The following LGALS2 variants were observed in gnomAD, a reference collection of about 807,000 sequenced individuals.
LGALS2 encodes galectin 2, also known as galectin-2.
LGALS2 carries 7 observed loss-of-function variants against 10.1 expected under a neutral mutation model. The observed-to-expected ratio is 0.70, with a 90% CI of 0.40 to 1.31. The LOEUF (loss-of-function observed/expected upper bound fraction) is 1.31. Ranked by LOEUF, LGALS2 falls within the 50% of genes most tolerant of loss-of-function variation. The pLI is 0.01. For missense variants in LGALS2, 167 were observed against 163.6 expected (o/e 1.02, Z -0.11); for synonymous variants, 86 against 64.2 (o/e 1.34, Z -1.63).
chr22:37,574,694 A>G (rs1249716382), intron 1 of LGALS2, among the ~76,000 whole-genome samples: 5 of 151,876 alleles, frequency 3.3e-5, no homozygotes, highest in Admixed American at 1.3e-4. Flanking sequence ...AGATGCCCTG[A>G]ATGAGCTCAT....
intron 2 of LGALS2, among the ~76,000 whole-genome samples, chr22:37,571,151 G>A (rs923919860): frequency 6.6e-6 from 1 of 152,172 alleles, no homozygotes; most frequent in Non-Finnish European, 1.5e-5. Flanking sequence ...GACCTGCAGG[G>A]TTCCTGAAAG....
At chr22:37,571,962 T>G in intron 1 of LGALS2, 31 bp from the exon 2 acceptor site, 23 of 1,549,350 alleles carry the variant, frequency 1.5e-5, no homozygotes, top group Non-Finnish European at 1.8e-5. Flanking sequence ...TCCACTCGAG[T>G]CCCCACAGAA....
At position 37,579,927 on chromosome 22, in the gene LGALS2, C is replaced by T. The variant is rs773350386; in HGVS notation, c.-22G>A. 5.0e-6 allele frequency: 8 copies of T among 1,611,266 alleles called. No homozygotes were observed. The highest frequency in any genetic ancestry group is 6.8e-6 in the Non-Finnish European group (8 of 1,179,250). ...TCATGGTGACAGCTCCTGGCGGCAG[C>T]TCCCAGCGGCTCCTGGAGGCCTGTG... On this transcript the variant is annotated 5_prime_UTR_variant, in exon 1 of 4. Transcript: ENST00000215886.
intron 1 of LGALS2, chr22:37,578,624 T>TGAGC (rs1399838338): frequency 1.3e-5 from 2 of 152,114 alleles, no homozygotes; most frequent in Non-Finnish European, 2.9e-5. Flanking sequence ...GATATCAGCC[T>TGAGC]GAGCAACATA....
At chr22:37,571,724 G>A in intron 2 of LGALS2, 125 bp downstream of exon 2, 1 of 733,314 alleles carries the variant, frequency 1.4e-6, no homozygotes, top group South Asian at 1.6e-5. Context: ...GGAGAAGGGT[G>A]TGAAAAAGGG....
At position 37,572,061 on chromosome 22, in the gene LGALS2, G is replaced by C. The variant is rs1233524148; in HGVS notation, c.7-130C>G. The C allele has an allele frequency of 4.1e-6, 3 of 725,354 alleles. No individual in the cohort carries two copies. In the African/African-American group the frequency reaches 5.2e-5, roughly 13 times the overall value. The allele number at this position is 725,354 out of a possible 1,614,324, so 44.9% of individuals were successfully genotyped here. The stretch of plus-strand genomic sequence containing the variant: ...TCCCCCTGCCCACGTGAGGACGCAG[G>C]AGACCACCAAGCTGGAAAGTGGCAG... On this transcript the variant is annotated intron_variant, in intron 1 of 3. Coordinates refer to ENST00000215886, the MANE Select transcript of LGALS2 (RefSeq NM_006498.3).
chr22:37,575,868 C>T (rs1271541144), intron 1 of LGALS2, among the ~76,000 whole-genome samples: 1 of 152,202 alleles, frequency 6.6e-6, no homozygotes, highest in Non-Finnish European at 1.5e-5. Context: ...AGCTTCTCAG[C>T]CTTGGCCGTC....
intron 2 of LGALS2, among the ~76,000 whole-genome samples, chr22:37,571,244 C>T (rs79275547): frequency 0.013 from 2,004 of 152,210 alleles, 38 homozygotes; most frequent in African/African-American, 0.046. Context: ...TTGAGGGACC[C>T]AAGTAGGAGA....
intron 1 of LGALS2, among the ~76,000 whole-genome samples, chr22:37,573,978 C>T (rs1925584119): frequency 6.6e-6 from 1 of 152,136 alleles, no homozygotes; most frequent in South Asian, 2.1e-4. Flanking sequence ...CTGCCCACCT[C>T]AGCTCCCCAA....
chr22:37,575,204 T>TTTC (rs1925636680), intron 1 of LGALS2, among the ~76,000 whole-genome samples: 2 of 33,228 alleles, frequency 6.0e-5, no homozygotes, highest in African/African-American at 1.4e-4. Context: ...CTTTTCTTTC[T>TTTC]TTTTTTTTTT....
At chr22:37,575,203 C>CTTTTT (rs35861132) in intron 1 of LGALS2, among the ~76,000 whole-genome samples, 6 of 128,692 alleles carry the variant, frequency 4.7e-5, no homozygotes, top group African/African-American at 8.7e-5. Context: ...TCTTTTCTTT[C>CTTTTT]TTTTTTTTTT....
At chr22:37,572,724 G>A (rs1014463590) in intron 1 of LGALS2, among the ~76,000 whole-genome samples, 5 of 150,248 alleles carry the variant, frequency 3.3e-5, no homozygotes, top group East Asian at 1.9e-4. Flanking sequence ...GTGAGATCGC[G>A]TCACTGCCCT....
Position 37,570,575 on chromosome 22 carries a change from C to T in LGALS2, c.249+1G>A. Reference sequence around the variant, plus strand: ...AGTGCCCTTTCCCCCTTTGACCTCACCTTGACCTCTGACCCTGGGCTGAAG... The same window carrying T: ...AGTGCCCTTTCCCCCTTTGACCTCATCTTGACCTCTGACCCTGGGCTGAAG... On this transcript the variant is annotated splice_donor_variant, in intron 3 of 3. Transcript: ENST00000215886. LOFTEE classifies it high-confidence loss of function. 1 of 1,614,248 alleles carries T rather than the reference C, an allele frequency of 6.2e-7. No homozygotes were observed. The highest frequency in any genetic ancestry group is 8.5e-7 in the Non-Finnish European group (1 of 1,180,042).
At chr22:37,573,788 C>T (rs541908598) in intron 1 of LGALS2, among the ~76,000 whole-genome samples, 12 of 151,390 alleles carry the variant, frequency 7.9e-5, no homozygotes, top group African/African-American at 2.7e-4. Context: ...TGGAGTGCAA[C>T]GGTGCGATCT....
In LGALS2 at chr22:37,579,900, C is replaced by T. The variant is rs373550705; in HGVS notation, c.6G>A (p.Thr2=). 201 of 1,610,704 alleles carry T rather than the reference C, an allele frequency of 1.2e-4. No homozygotes were observed. Among genetic ancestry groups the T allele is most frequent in the South Asian group, 2.6e-4 (23 of 89,642 alleles). Reference sequence around the variant, plus strand: ...GGCAGCAGGGGGCTAGTGTCCTCACCGTCATGGTGACAGCTCCTGGCGGCA... The same window carrying T: ...GGCAGCAGGGGGCTAGTGTCCTCACTGTCATGGTGACAGCTCCTGGCGGCA... The part of the protein sequence containing the change: M[T]GELEVKNMDM... Residue 2 remains threonine, a splice_region_variant and synonymous_variant, in exon 1 of 4, where the codon ACG becomes ACA. Coordinates refer to ENST00000215886, the MANE Select transcript of LGALS2 (RefSeq NM_006498.3).
At chr22:37,571,592 T>G (rs560514660) in intron 2 of LGALS2, among the ~76,000 whole-genome samples, 5 of 152,268 alleles carry the variant, frequency 3.3e-5, no homozygotes, top group Admixed American at 1.3e-4. Context: ...TCCAGGGGCT[T>G]CTCCACCTGC....
chr22:37,572,424 G>A (rs956295939), intron 1 of LGALS2, among the ~76,000 whole-genome samples: 1 of 152,112 alleles, frequency 6.6e-6, no homozygotes, highest in Non-Finnish European at 1.5e-5. Context: ...CTGAGGTCAG[G>A]AGTTAGCAAC....
chr22:37,573,990 G>C (rs958662625), intron 1 of LGALS2, among the ~76,000 whole-genome samples: 1 of 151,980 alleles, frequency 6.6e-6, no homozygotes, highest in African/African-American at 2.4e-5. Context: ...GCTCCCCAAA[G>C]TGCTGGGATT....
chr22:37,570,782 T>A (rs778046997), intron 2 of LGALS2, 47 bp from the exon 3 acceptor site: 9 of 1,610,700 alleles, frequency 5.6e-6, no homozygotes, highest in Non-Finnish European at 7.6e-6. Flanking sequence ...CAGGCCTGGA[T>A]AAAGCAGCTT....
Sources: gnomAD v4.1 joint callset for allele counts (sites outside exome capture counted in the v4.1 genomes callset) on GRCh38, gnomAD v4.1.1 for gene constraint, MANE v1.5 for transcripts, NCBI Gene and HGNC (gene_info 2026-07-23, HGNC 2026-07-21) for gene names.